Variants in SHC3 observed in about 807,000 individuals in gnomAD.
The protein encoded by SHC3 is SHC adaptor protein 3.
A neutral mutation model predicts 60.4 loss-of-function variants in SHC3; 15 were observed. That is an observed-to-expected ratio of 0.25 (90% CI 0.17 to 0.38). The LOEUF is 0.38. SHC3 is among the 10% of genes least tolerant of loss of function. SHC3 has a pLI of 1.00. For missense variants in SHC3, 677 were observed against 786.1 expected, an observed-to-expected ratio of 0.86 and a Z score of 1.66; for synonymous variants, 294 against 325.9, an observed-to-expected ratio of 0.90 and a Z score of 1.05.
chr9:89,047,040 G>C, intron 7 of SHC3, 46 bp from the exon 8 acceptor site: 1 of 1,489,150 alleles, frequency 6.7e-7, no homozygotes, highest in Non-Finnish European at 8.9e-7. Flanking sequence ...AGTTGAACTT[G>C]CAGCCAAAAT....
At chr9:89,108,350 CAA>C (rs147186310) in intron 2 of SHC3, among the ~76,000 whole-genome samples, 4 of 144,122 alleles carry the variant, frequency 2.8e-5, no homozygotes. Flanking sequence ...CCACCTCTAC[CAA>C]AAAAAAAAAA....
At chr9:89,050,195 C>A (rs1041154358) in intron 7 of SHC3, among the ~76,000 whole-genome samples, 1 of 152,160 alleles carries the variant, frequency 6.6e-6, no homozygotes, top group African/African-American at 2.4e-5. Context: ...TTGACAAATA[C>A]AGTCAAATGC....
Position 89,008,420 on chromosome 9 carries a change from A to G in SHC3, c.*5027T>C, listed in dbSNP as rs1825972065. 1 of 152,182 alleles carries G rather than the reference A, an allele frequency of 6.6e-6. No individual in the cohort carries two copies. The highest frequency in any genetic ancestry group is 2.4e-5 in the African/African-American group (1 of 41,434). The allele number at this position is 152,182 out of a possible 1,614,324, so 9.4% of individuals were successfully genotyped here. ...CTAGTGAGTGGTTCTCAAAGTCAAG[A>G]CTTCAGAGCAGCTGCACCAGCATCA... On this transcript the variant is annotated 3_prime_UTR_variant, in exon 12 of 12. Transcript: ENST00000375835.
At chr9:89,048,444 A>G (rs1475446579) in intron 7 of SHC3, among the ~76,000 whole-genome samples, 1 of 152,208 alleles carries the variant, frequency 6.6e-6, no homozygotes, top group East Asian at 1.9e-4. Context: ...TTCCATTTAT[A>G]TGAAATGTCC....
chr9:89,110,170 G>A lies in SHC3; in HGVS notation c.545+2386C>T, dbSNP rs1353349791. ...AAGATTTTATACATATTCCTGGGGA[G>A]TTTTCAAATCACCTCAATTCTGAAG... On this transcript the variant is annotated intron_variant, in intron 2 of 11. Transcript: ENST00000375835. 4.1e-6 allele frequency: 4 copies of A among 985,310 alleles called. No homozygotes were observed. The African/African-American group carries it at 7.0e-5, about 17-fold the overall frequency. 61.0% of individuals were successfully genotyped at this position (985,310 alleles called of 1,614,324 possible).
At chr9:89,053,614 T>TG (rs1452524229) in intron 6 of SHC3, among the ~76,000 whole-genome samples, 1 of 152,200 alleles carries the variant, frequency 6.6e-6, no homozygotes, top group Non-Finnish European at 1.5e-5. Context: ...ATTTCTGCTT[T>TG]GGGGGGCAAT....
chr9:89,065,677 C>T, intron 5 of SHC3, 97 bp from the exon 6 acceptor site: 1 of 1,169,108 alleles, frequency 8.6e-7, no homozygotes, highest in Non-Finnish European at 1.3e-6. Context: ...TAGAAGGACT[C>T]AACCACCAAA....
At chr9:89,037,883 G>T (rs79446921) in intron 11 of SHC3, 110 bp downstream of exon 11, 2 of 1,366,556 alleles carry the variant, frequency 1.5e-6, no homozygotes, top group Non-Finnish European at 2.0e-6. Flanking sequence ...GACTCAGTAG[G>T]CACTTGTGGA....
In SHC3 at chr9:89,160,344, C is replaced by T. The variant is rs183475810; in HGVS notation, c.474+17643G>A. ...CCAGACCCAGAATAAATCCCACCTCCTTGGCGAGGCATTTTCTGATAACCC... is the reference window on the plus strand; with the variant it reads ...CCAGACCCAGAATAAATCCCACCTCTTTGGCGAGGCATTTTCTGATAACCC... On this transcript the variant is annotated intron_variant, in intron 1 of 11. Coordinates refer to ENST00000375835, the MANE Select transcript of SHC3 (RefSeq NM_016848.6). Among the ~76,000 whole-genome samples the T allele has an allele frequency of 3.6e-3, 552 of 152,282 alleles. 2 individuals are homozygous for T. Among genetic ancestry groups the T allele is most frequent in the African/African-American group, 0.012 (517 of 41,566 alleles).
intron 11 of SHC3, among the ~76,000 whole-genome samples, chr9:89,027,685 G>A (rs192634404): frequency 5.3e-5 from 8 of 152,194 alleles, no homozygotes; most frequent in East Asian, 3.9e-4. Context: ...CACCTTCTCC[G>A]AACCCAGAAA....
intron 1 of SHC3, among the ~76,000 whole-genome samples, chr9:89,147,097 A>T (rs925828601): frequency 1.3e-5 from 2 of 152,176 alleles, no homozygotes; most frequent in Admixed American, 6.5e-5. Context: ...ATGAAATATA[A>T]TATCGCATAG....
At chr9:89,071,499 G>A (rs1050245261) in intron 4 of SHC3, among the ~76,000 whole-genome samples, 4 of 152,156 alleles carry the variant, frequency 2.6e-5, no homozygotes, top group African/African-American at 4.8e-5. Context: ...GGGAACTATC[G>A]TCATCCCACT....
At chr9:89,174,958 G>A (rs1384303707) in intron 1 of SHC3, among the ~76,000 whole-genome samples, 1 of 152,250 alleles carries the variant, frequency 6.6e-6, no homozygotes, top group East Asian at 1.9e-4. Flanking sequence ...AAGACCAGCA[G>A]CCTCCTTGAG....
At chr9:89,115,231 G>T (rs964922259) in intron 1 of SHC3, among the ~76,000 whole-genome samples, 2 of 152,112 alleles carry the variant, frequency 1.3e-5, no homozygotes, top group Non-Finnish European at 2.9e-5. Context: ...TAACCTCACA[G>T]ATTTATTGGA....
intron 1 of SHC3, among the ~76,000 whole-genome samples, chr9:89,152,407 A>G (rs1826557975): frequency 6.6e-6 from 1 of 152,248 alleles, no homozygotes; most frequent in African/African-American, 2.4e-5. Context: ...GCTCCAGAAT[A>G]TTTACGTTTT....
intron 2 of SHC3, among the ~76,000 whole-genome samples, chr9:89,095,135 G>A (rs1825682939): frequency 6.6e-6 from 1 of 152,126 alleles, no homozygotes; most frequent in African/African-American, 2.4e-5. Context: ...CAAAATAAGT[G>A]ATAGCAGGGA....
At chr9:89,110,374 A>G (rs1223370339) in intron 2 of SHC3, 5 of 985,078 alleles carry the variant, frequency 5.1e-6, no homozygotes, top group Middle Eastern at 5.2e-4. Context: ...CCTGTATAAT[A>G]TAACTTAATT....
At chr9:89,110,041 C>G (rs1382500812) in intron 2 of SHC3, 3 of 985,294 alleles carry the variant, frequency 3.0e-6, no homozygotes, top group Non-Finnish European at 3.6e-6. Flanking sequence ...TGATAAATTT[C>G]TCCTCAGAAC....
chr9:89,120,940 AC>A (rs1826084138), intron 1 of SHC3, among the ~76,000 whole-genome samples: 1 of 151,928 alleles, frequency 6.6e-6, no homozygotes, highest in African/African-American at 2.4e-5. Context: ...AAATTTATTT[AC>A]ATTTTAAAAG....
Sources: gnomAD v4.1 joint callset for allele counts (sites outside exome capture counted in the v4.1 genomes callset) on GRCh38, gnomAD v4.1.1 for gene constraint, MANE v1.5 for transcripts, NCBI Gene and HGNC (gene_info 2026-07-23, HGNC 2026-07-21) for gene names.